Variants in JMJD1C observed in about 807,000 individuals in gnomAD.
JMJD1C encodes the protein jumonji domain containing 1C.
In JMJD1C, 31 loss-of-function variants were observed where a neutral mutation model predicts 245.3. The ratio of observed to expected loss-of-function variants is 0.13; its 90% CI spans 0.09 to 0.17. The LOEUF (loss-of-function observed/expected upper bound fraction) is 0.17. Among genes scored for constraint, JMJD1C ranks in the 10% least tolerant of loss-of-function variants. The pLI, the probability that JMJD1C is intolerant of heterozygous loss-of-function variation, is 1.00. For missense variants in JMJD1C, 2,691 were observed against 3,000.2 expected, an observed-to-expected ratio of 0.90 and a Z score of 2.41; for synonymous variants, 1,057 against 1,017.4, an observed-to-expected ratio of 1.04 and a Z score of -0.74.
intron 21 of JMJD1C, among the ~76,000 whole-genome samples, chr10:63,183,802 C>T (rs1843763727): frequency 6.6e-6 from 1 of 152,080 alleles, no homozygotes; most frequent in Admixed American, 6.5e-5. Context: ...AATAAAAAAT[C>T]AATAAGCAGG....
intron 1 of JMJD1C, among the ~76,000 whole-genome samples, chr10:63,403,779 A>G (rs1467637565): frequency 6.6e-6 from 1 of 152,174 alleles, no homozygotes; most frequent in East Asian, 1.9e-4. Flanking sequence ...TCTACTAAAA[A>G]ATACAAAAAG....
At chr10:63,431,731 C>T (rs191242008) in intron 1 of JMJD1C, among the ~76,000 whole-genome samples, 110 of 152,202 alleles carry the variant, frequency 7.2e-4, no homozygotes, top group Non-Finnish European at 1.1e-3. Flanking sequence ...TACTCACTTG[C>T]GGCCGGGCGC....
chr10:63,378,326 TCAGA>T (rs1013582646), intron 2 of JMJD1C, among the ~76,000 whole-genome samples: 1 of 152,140 alleles, frequency 6.6e-6, no homozygotes, highest in Non-Finnish European at 1.5e-5. Flanking sequence ...GCACGGTGGC[TCAGA>T]CCTGTAATCC....
chr10:63,363,017 G>C (rs1334574817), intron 2 of JMJD1C, among the ~76,000 whole-genome samples: 1 of 151,938 alleles, frequency 6.6e-6, no homozygotes, highest in Admixed American at 6.6e-5. Context: ...ATCATTTCAG[G>C]GGGGACGTAA....
At chr10:63,241,226 T>C (rs1851446574) in intron 3 of JMJD1C, among the ~76,000 whole-genome samples, 1 of 152,224 alleles carries the variant, frequency 6.6e-6, no homozygotes, top group African/African-American at 2.4e-5. Context: ...AAACCCATCC[T>C]AAACTGAAAA....
intron 1 of JMJD1C, among the ~76,000 whole-genome samples, chr10:63,396,886 A>G (rs1419243448): frequency 1.3e-5 from 2 of 150,040 alleles, no homozygotes; most frequent in Non-Finnish European, 3.0e-5. Flanking sequence ...TTCATTTTTT[A>G]TACCTTCATA....
intron 3 of JMJD1C, among the ~76,000 whole-genome samples, chr10:63,255,657 C>T (rs1461573824): frequency 6.6e-6 from 1 of 152,076 alleles, no homozygotes; most frequent in Non-Finnish European, 1.5e-5. Flanking sequence ...TTTTTGCTTC[C>T]TTCTCATCTG....
At chr10:63,478,676 G>C (rs1375585066) in intron 1 of JMJD1C, among the ~76,000 whole-genome samples, 2 of 152,178 alleles carry the variant, frequency 1.3e-5, no homozygotes, top group African/African-American at 4.8e-5. Context: ...TGCAGGCAGG[G>C]CTTATTTCTC....
At chr10:63,460,321 A>G (rs957102224) in intron 1 of JMJD1C, among the ~76,000 whole-genome samples, 4 of 152,208 alleles carry the variant, frequency 2.6e-5, no homozygotes, top group Admixed American at 1.3e-4. Flanking sequence ...GTCCAAGACC[A>G]GCCTGGGCAA....
intron 3 of JMJD1C, among the ~76,000 whole-genome samples, chr10:63,227,263 G>A (rs1008399686): frequency 6.6e-6 from 1 of 152,134 alleles, no homozygotes; most frequent in African/African-American, 2.4e-5. Context: ...TTATGAAAAT[G>A]TTAAAAATAT....
At chr10:63,377,112 C>T (rs1946803288) in intron 2 of JMJD1C, among the ~76,000 whole-genome samples, 1 of 152,144 alleles carries the variant, frequency 6.6e-6, no homozygotes, top group Admixed American at 6.5e-5. Context: ...AAAATTGTGA[C>T]ACATGGTTTA....
At chr10:63,427,385 A>T in intron 1 of JMJD1C, 1 of 1,082,676 alleles carries the variant, frequency 9.2e-7, no homozygotes, top group South Asian at 1.3e-5. Flanking sequence ...CCAAATCCCT[A>T]TAGCAAACAT....
chr10:63,225,020 C>T (rs191993988), intron 3 of JMJD1C, among the ~76,000 whole-genome samples: 3 of 151,854 alleles, frequency 2.0e-5, no homozygotes, highest in East Asian at 3.9e-4. Flanking sequence ...CGAGATTGCA[C>T]CACTGCACTC....
intron 11 of JMJD1C, among the ~76,000 whole-genome samples, chr10:63,199,635 C>T (rs2133072669): frequency 6.6e-6 from 1 of 152,064 alleles, no homozygotes; most frequent in African/African-American, 2.4e-5. Flanking sequence ...CTTTTGATTC[C>T]TTTTTTCATC....
intron 2 of JMJD1C, among the ~76,000 whole-genome samples, chr10:63,323,391 G>T (rs181774537): frequency 6.6e-6 from 1 of 151,308 alleles, no homozygotes; most frequent in African/African-American, 2.4e-5. Flanking sequence ...TTGGTGGCAC[G>T]CACCTGGAAT....
chr10:63,234,909 T>G (rs1335571158), intron 3 of JMJD1C, among the ~76,000 whole-genome samples: 2 of 152,204 alleles, frequency 1.3e-5, no homozygotes, highest in East Asian at 1.9e-4. Flanking sequence ...GTAATACATT[T>G]TTTATGAACT....
intron 3 of JMJD1C, among the ~76,000 whole-genome samples, chr10:63,237,353 A>T (rs1850865297): frequency 4.0e-5 from 6 of 151,236 alleles, no homozygotes; most frequent in Admixed American, 2.0e-4. Flanking sequence ...CTCACTAAAA[A>T]TTTTTTTTTA....
chr10:63,456,271 A>G (rs1272842469), intron 1 of JMJD1C, among the ~76,000 whole-genome samples: 1 of 150,288 alleles, frequency 6.7e-6, no homozygotes, highest in Non-Finnish European at 1.5e-5. Context: ...AGTTTTATCA[A>G]TGTGATTTTA....
chr10:63,372,848 T>C (rs1224173323), intron 2 of JMJD1C: 1 of 167,450 alleles, frequency 6.0e-6, no homozygotes, highest in African/African-American at 2.4e-5. Flanking sequence ...AACAAAGTTC[T>C]ATAGGAGCAC....
Sources: allele counts gnomAD v4.1 joint callset (sites outside exome capture counted in the v4.1 genomes callset), GRCh38; gene constraint gnomAD v4.1.1; transcripts MANE v1.5; gene names NCBI Gene and HGNC (gene_info 2026-07-23, HGNC 2026-07-21).